The following CCDC146 variants were observed in gnomAD, a reference collection of about 807,000 sequenced individuals.
The protein encoded by CCDC146 is coiled-coil domain-containing protein 146.
A neutral mutation model predicts 119.3 loss-of-function variants in CCDC146; 92 were observed. The ratio of observed to expected loss-of-function variants is 0.77; its 90% CI spans 0.65 to 0.92. The LOEUF (loss-of-function observed/expected upper bound fraction) is 0.92, where lower values mean the gene tolerates loss of function less well. Ranked by LOEUF, CCDC146 falls within the 40% of genes least tolerant of loss-of-function variation. The pLI, the probability that CCDC146 is intolerant of heterozygous loss-of-function variation, is 0.00. For synonymous variants in CCDC146, 372 were observed against 371.8 expected (o/e 1.00, Z -0.01); for missense variants, 1,000 against 1,103.0 (o/e 0.91, Z 1.32).
intron 17 of CCDC146, among the ~76,000 whole-genome samples, chr7:77,290,014 T>C (rs7802300): frequency 0.24 from 36,424 of 151,996 alleles, 5,166 homozygotes; most frequent in African/African-American, 0.39. Context: ...AATGATAGAC[T>C]GGATTAAGCA....
chr7:77,137,862 T>A (rs1368773438), intron 1 of CCDC146, among the ~76,000 whole-genome samples: 1 of 150,610 alleles, frequency 6.6e-6, no homozygotes, highest in Non-Finnish European at 1.5e-5. Flanking sequence ...ATAACTCAAA[T>A]ATATGTAGGT....
chr7:77,271,510 G>GGA (rs1469053198), intron 9 of CCDC146, among the ~76,000 whole-genome samples: 5 of 71,620 alleles, frequency 7.0e-5, no homozygotes, highest in African/African-American at 2.5e-4. Context: ...CACACTAATA[G>GGA]GAGATATATA....
chr7:77,287,427 T>A lies in CCDC146; in HGVS notation c.2278-13T>A. On this transcript the variant is annotated splice_polypyrimidine_tract_variant and intron_variant, in intron 16 of 18. Transcript: ENST00000285871. ...TTTTTTTTTATTCCTCTTGAACCAA[T>A]TTTCAAACATAGCTGGAACTACAAC... The A allele has an allele frequency of 6.2e-7, 1 of 1,613,336 alleles. No individual in the cohort carries two copies. Among genetic ancestry groups the A allele is most frequent in the South Asian group, 1.1e-5 (1 of 91,062 alleles).
intron 17 of CCDC146, among the ~76,000 whole-genome samples, chr7:77,288,466 C>A (rs1385155252): frequency 6.6e-6 from 1 of 152,246 alleles, no homozygotes; most frequent in African/African-American, 2.4e-5. Context: ...AGCCTGTACA[C>A]CCATTTCTGG....
intron 1 of CCDC146, among the ~76,000 whole-genome samples, chr7:77,152,035 T>A (rs1404961399): frequency 1.3e-5 from 2 of 152,138 alleles, no homozygotes; most frequent in Non-Finnish European, 2.9e-5. Context: ...TGGTGATGGT[T>A]CTGGAACCTT....
At chr7:77,222,034 A>C (rs1792413534) in intron 2 of CCDC146, among the ~76,000 whole-genome samples, 1 of 152,254 alleles carries the variant, frequency 6.6e-6, no homozygotes, top group African/African-American at 2.4e-5. Flanking sequence ...CATTTGCAAC[A>C]GAATCAAAAA....
chr7:77,236,263 C>A (rs142677961), intron 2 of CCDC146, among the ~76,000 whole-genome samples: 126 of 152,182 alleles, frequency 8.3e-4, no homozygotes, highest in African/African-American at 3.0e-3. Context: ...CTAATTATCA[C>A]CTAACTCAGA....
At chr7:77,228,672 C>T (rs1249387677) in intron 2 of CCDC146, among the ~76,000 whole-genome samples, 2 of 152,150 alleles carry the variant, frequency 1.3e-5, no homozygotes, top group Non-Finnish European at 2.9e-5. Flanking sequence ...TGGGTATATA[C>T]CCATTAATGG....
chr7:77,293,073 A>G lies in CCDC146; in HGVS notation c.2537A>G (p.Asp846Gly). The change falls in exon 18 of 19, where the codon GAC becomes GGC. Residue 846 changes from aspartate (D) to glycine (G), a missense_variant. Transcript: ENST00000285871. ...CAAAAGGAAGTCAGGGAGAAAGAAGACTTCATCTTCACTTGCAATTCCAGG... is the reference window on the plus strand; with the variant it reads ...CAAAAGGAAGTCAGGGAGAAAGAAGGCTTCATCTTCACTTGCAATTCCAGG... ...ELQKEVREKE[D>G]FIFTCNSRIE... 1 of 1,614,176 alleles carries G rather than the reference A, an allele frequency of 6.2e-7. No individual in the cohort carries two copies. Among genetic ancestry groups the G allele is most frequent in the South Asian group, 1.1e-5 (1 of 91,076 alleles).
chr7:77,124,286 A>G (rs1467229289), intron 1 of CCDC146, among the ~76,000 whole-genome samples: 4 of 152,166 alleles, frequency 2.6e-5, no homozygotes, highest in Non-Finnish European at 4.4e-5. Flanking sequence ...GGAGAAAATT[A>G]TTAATATTAA....
intron 2 of CCDC146, among the ~76,000 whole-genome samples, chr7:77,179,465 ACT>A (rs940711244): frequency 1.3e-5 from 2 of 151,080 alleles, no homozygotes; most frequent in Non-Finnish European, 2.9e-5. Flanking sequence ...TAATATACAC[ACT>A]GTTTTTTTCA....
In CCDC146 at chr7:77,221,789, G is replaced by A. The variant is rs138863840; in HGVS notation, c.157-15158G>A. Among the ~76,000 whole-genome samples the A allele has an allele frequency of 1.4e-3, 209 of 152,262 alleles. 1 individual carries two copies. Among genetic ancestry groups the A allele is most frequent in the African/African-American group, 4.8e-3 (198 of 41,530 alleles). On this transcript the variant is annotated intron_variant, in intron 2 of 18. Coordinates refer to ENST00000285871, the MANE Select transcript of CCDC146 (RefSeq NM_020879.3). ...GTGGCCTGATTCATTCAACATTTTTGAGAACCTGAGTGTCAGGCAGTGTTC... is the reference window on the plus strand; with the variant it reads ...GTGGCCTGATTCATTCAACATTTTTAAGAACCTGAGTGTCAGGCAGTGTTC...
At chr7:77,291,200 A>G (rs1030178980) in intron 17 of CCDC146, among the ~76,000 whole-genome samples, 13 of 152,204 alleles carry the variant, frequency 8.5e-5, no homozygotes, top group African/African-American at 2.9e-4. Flanking sequence ...AGGCAAGGTA[A>G]GAGGAACTAA....
At chr7:77,231,821 T>TG (rs1445511104) in intron 2 of CCDC146, among the ~76,000 whole-genome samples, 3 of 151,260 alleles carry the variant, frequency 2.0e-5, no homozygotes, top group East Asian at 3.9e-4. Context: ...TGTTGTTGTT[T>TG]TTTTTTTTTT....
chr7:77,258,331 C>CAGTCA (rs1477787963), intron 6 of CCDC146, among the ~76,000 whole-genome samples: 4 of 152,140 alleles, frequency 2.6e-5, no homozygotes, highest in African/African-American at 9.7e-5. Flanking sequence ...TTAGCAGTCA[C>CAGTCA]CCCTGCAGCA....
At chr7:77,174,415 C>T (rs1011196797) in intron 2 of CCDC146, among the ~76,000 whole-genome samples, 1 of 152,166 alleles carries the variant, frequency 6.6e-6, no homozygotes, top group Admixed American at 6.5e-5. Context: ...GCAGGGCTAC[C>T]CCATAGGCAG....
In CCDC146 at chr7:77,267,143, C is replaced by A. The variant is rs539864480; in HGVS notation, c.1173+4836C>A. 2.0e-5 allele frequency among the ~76,000 whole-genome samples: 3 copies of A among 152,218 alleles called. No homozygotes were observed. In the East Asian group the frequency reaches 5.8e-4, roughly 29 times the overall value. ...GAGTAGCTGGGATTACATGCACCCA[C>A]CACCAAGCCCAGCTAGTTTTTATAT... is the stretch of plus-strand genomic sequence containing the variant. On this transcript the variant is annotated intron_variant, in intron 9 of 18. Transcript: ENST00000285871.
chr7:77,158,382 A>G (rs1436614580), intron 1 of CCDC146, among the ~76,000 whole-genome samples: 1 of 152,046 alleles, frequency 6.6e-6, no homozygotes, highest in Non-Finnish European at 1.5e-5. Context: ...TTCTCTGTTC[A>G]TATCACCGTA....
chr7:77,256,259 G>C (rs1018592837), intron 5 of CCDC146, 74 bp from the exon 6 acceptor site: 18 of 1,073,796 alleles, frequency 1.7e-5, no homozygotes, highest in Non-Finnish European at 2.1e-5. Context: ...GGTGAAATTA[G>C]TTTTAGTTCA....
Sources: gnomAD v4.1 joint callset for allele counts (sites outside exome capture counted in the v4.1 genomes callset) on GRCh38, gnomAD v4.1.1 for gene constraint, MANE v1.5 for transcripts, NCBI Gene and HGNC (gene_info 2026-07-23, HGNC 2026-07-21) for gene names.